The following SOX5 variants were observed in gnomAD, a reference collection of about 807,000 sequenced individuals.
SOX5 encodes the protein transcription factor SOX-5.
Under a neutral mutation model 92.0 loss-of-function variants are expected in SOX5, and 9 were observed. The observed-to-expected ratio is 0.10, with a 90% CI of 0.06 to 0.17. The LOEUF is 0.17. SOX5 is among the 10% of genes least tolerant of loss of function. SOX5 has a pLI of 1.00. For missense variants in SOX5, 642 were observed against 944.5 expected (o/e 0.68, Z 4.20); for synonymous variants, 344 against 336.3 (o/e 1.02, Z -0.25).
chr12:23,962,828 G>T (rs778178150), intron 4 of SOX5, among the ~76,000 whole-genome samples: 4 of 151,974 alleles, frequency 2.6e-5, no homozygotes, highest in Admixed American at 6.6e-5. Flanking sequence ...AGATTTTCCT[G>T]TTGCTTTATT....
At chr12:24,326,837 T>TACAC (rs1251623764) in intron 2 of SOX5, among the ~76,000 whole-genome samples, 1 of 129,552 alleles carries the variant, frequency 7.7e-6, no homozygotes, top group African/African-American at 2.8e-5. Context: ...CATTCATACA[T>TACAC]ACACACACAC....
chr12:24,057,824 T>C lies in SOX5; in HGVS notation c.-2+155519A>G, dbSNP rs544597502. 9.8e-5 allele frequency among the ~76,000 whole-genome samples: 15 copies of C among 152,324 alleles called. No homozygotes were observed. The South Asian group carries it at 1.9e-3, about 19-fold the overall frequency. On this transcript the variant is annotated intron_variant, in intron 4 of 4. Transcript: ENST00000446891. Reference sequence around the variant, plus strand: ...ATTTGTGATTTGAGGAACTGTAAGATGACACTCACTGGAATGGCATAATGT... The same window carrying C: ...ATTTGTGATTTGAGGAACTGTAAGACGACACTCACTGGAATGGCATAATGT...
chr12:24,136,712 C>T (rs1048270513), intron 4 of SOX5, among the ~76,000 whole-genome samples: 1 of 152,206 alleles, frequency 6.6e-6, no homozygotes, highest in African/African-American at 2.4e-5. Flanking sequence ...ATGACTTTCC[C>T]ACTCCTTCAA....
At chr12:23,756,182 A>C (rs1414013143) in intron 3 of SOX5, among the ~76,000 whole-genome samples, 3 of 151,740 alleles carry the variant, frequency 2.0e-5, no homozygotes, top group African/African-American at 7.2e-5. Flanking sequence ...ATATGTGTTT[A>C]ACATCGTGTG....
intron 1 of SOX5, among the ~76,000 whole-genome samples, chr12:23,945,926 T>TA (rs1422142185): frequency 6.6e-6 from 1 of 152,172 alleles, no homozygotes; most frequent in Non-Finnish European, 1.5e-5. Context: ...GTAACTAAAA[T>TA]ACCACTAATG....
At chr12:24,322,115 G>T (rs1950257627) in intron 2 of SOX5, among the ~76,000 whole-genome samples, 1 of 152,204 alleles carries the variant, frequency 6.6e-6, no homozygotes, top group South Asian at 2.1e-4. Context: ...ACAGCAGTGA[G>T]ATCAAATTCA....
chr12:24,095,571 T>A (rs141743667), intron 4 of SOX5, among the ~76,000 whole-genome samples: 1 of 152,288 alleles, frequency 6.6e-6, no homozygotes, highest in East Asian at 1.9e-4. Context: ...TTGAATGTAC[T>A]GTTTAAAACA....
chr12:24,283,863 GCTCA>G (rs1389689744), intron 2 of SOX5, among the ~76,000 whole-genome samples: 1 of 152,158 alleles, frequency 6.6e-6, no homozygotes, highest in African/African-American at 2.4e-5. Flanking sequence ...TTACCCAAAT[GCTCA>G]CTCTCTATGC....
intron 4 of SOX5, among the ~76,000 whole-genome samples, chr12:24,085,036 G>A (rs1280872549): frequency 6.6e-6 from 1 of 152,008 alleles, no homozygotes; most frequent in Non-Finnish European, 1.5e-5. Flanking sequence ...TGAGACACAG[G>A]CTGACTTCAA....
intron 3 of SOX5, among the ~76,000 whole-genome samples, chr12:23,790,562 A>T (rs2095457484): frequency 6.6e-6 from 1 of 151,370 alleles, no homozygotes; most frequent in Non-Finnish European, 1.5e-5. Context: ...ACACACACAC[A>T]CACACACACA....
chr12:23,900,526 C>G (rs1487672047), intron 1 of SOX5, among the ~76,000 whole-genome samples: 1 of 152,130 alleles, frequency 6.6e-6, no homozygotes, highest in Non-Finnish European at 1.5e-5. Flanking sequence ...TTGGAATTAC[C>G]TGGAGAGGTT....
At chr12:24,017,699 C>T (rs1953814252) in intron 4 of SOX5, among the ~76,000 whole-genome samples, 1 of 152,116 alleles carries the variant, frequency 6.6e-6, no homozygotes, top group Admixed American at 6.6e-5. Context: ...CCCAGGCAGA[C>T]CTGTGCTCTT....
At chr12:24,109,448 C>A (rs1373661946) in intron 4 of SOX5, among the ~76,000 whole-genome samples, 1 of 152,080 alleles carries the variant, frequency 6.6e-6, no homozygotes, top group African/African-American at 2.4e-5. Context: ...CACTTTCTGC[C>A]TCATTAAGGC....
intron 10 of SOX5, among the ~76,000 whole-genome samples, chr12:23,571,613 T>C (rs909055132): frequency 6.6e-6 from 1 of 152,184 alleles, no homozygotes; most frequent in Non-Finnish European, 1.5e-5. Flanking sequence ...CTAAAAAGAA[T>C]GAACACCAAC....
chr12:23,683,398 T>G (rs1288738866), intron 6 of SOX5, among the ~76,000 whole-genome samples: 2 of 151,968 alleles, frequency 1.3e-5, no homozygotes, highest in Non-Finnish European at 2.9e-5. Flanking sequence ...CTTGAATTAA[T>G]GCTATCTCAT....
intron 4 of SOX5, among the ~76,000 whole-genome samples, chr12:23,749,671 A>G (rs1209381141): frequency 6.6e-6 from 1 of 151,976 alleles, no homozygotes; most frequent in Non-Finnish European, 1.5e-5. Context: ...TCTATAAAAC[A>G]TATTATTAAA....
At chr12:23,538,899 C>G (rs1941261409) in intron 13 of SOX5, among the ~76,000 whole-genome samples, 1 of 148,692 alleles carries the variant, frequency 6.7e-6, no homozygotes, top group Admixed American at 6.8e-5. Context: ...CTCCCGGATT[C>G]ACGCCATTCT....
intron 6 of SOX5, among the ~76,000 whole-genome samples, chr12:23,722,219 T>G (rs2092857529): frequency 6.6e-6 from 1 of 152,220 alleles, no homozygotes; most frequent in South Asian, 2.1e-4. Flanking sequence ...ATTAGAACAG[T>G]CTCAAAACTA....
chr12:23,872,904 T>C (rs778406051), intron 2 of SOX5, among the ~76,000 whole-genome samples: 33 of 152,198 alleles, frequency 2.2e-4, no homozygotes, highest in Non-Finnish European at 3.8e-4. Flanking sequence ...TCCTGAAAGA[T>C]CATCTTCATA....
Sources: allele counts gnomAD v4.1 joint callset (sites outside exome capture counted in the v4.1 genomes callset), GRCh38; gene constraint gnomAD v4.1.1; transcripts MANE v1.5; gene names NCBI Gene and HGNC (gene_info 2026-07-23, HGNC 2026-07-21).